The following MEAK7 variants were observed in gnomAD, a reference collection of about 807,000 sequenced individuals.
MEAK7 encodes MTOR-associated protein MEAK7.
Under a neutral mutation model 40.5 loss-of-function variants are expected in MEAK7, and 68 were observed. That is an observed-to-expected ratio of 1.68 (90% CI 1.38 to 2.06). MEAK7 has a LOEUF of 2.06. MEAK7 is among the 30% of genes most tolerant of loss of function. The probability of loss-of-function intolerance (pLI) is 0.00; values close to 1 mark genes in which losing one functional copy is unlikely to be tolerated. For missense variants in MEAK7, 918 were observed against 580.5 expected (o/e 1.58, Z -5.98); for synonymous variants, 338 against 231.9 (o/e 1.46, Z -4.16).
intron 1 of MEAK7, among the ~76,000 whole-genome samples, chr16:84,503,693 T>A (rs1914674834): frequency 1.3e-5 from 2 of 152,114 alleles, no homozygotes; most frequent in Non-Finnish European, 2.9e-5. Flanking sequence ...CTCCTTGGGA[T>A]CTTGTCTTAG....
chr16:84,479,595 G>C lies in MEAK7; in HGVS notation c.*318C>G, dbSNP rs1313730007. 1 of 222,268 alleles carries C rather than the reference G, an allele frequency of 4.5e-6. No homozygotes were observed. Among genetic ancestry groups the C allele is most frequent in the Non-Finnish European group, 8.8e-6 (1 of 114,256 alleles). The allele number at this position is 222,268 out of a possible 1,614,324, so 13.8% of individuals were successfully genotyped here. A position where few individuals can be genotyped will look rare whatever the true frequency, so the allele number is the denominator to read the frequency against. Reference sequence around the variant, plus strand: ...AGCGGGGGTCTGAAAGGTCTCAGCTGCTTAGGATTTCGTTGGTAAAAAAGA... The same window carrying C: ...AGCGGGGGTCTGAAAGGTCTCAGCTCCTTAGGATTTCGTTGGTAAAAAAGA... On this transcript the variant is annotated 3_prime_UTR_variant, in exon 8 of 8. Coordinates refer to ENST00000343629, the MANE Select transcript of MEAK7 (RefSeq NM_020947.4).
At chr16:84,481,426 C>G (rs376558431) in intron 6 of MEAK7, among the ~76,000 whole-genome samples, 5 of 152,340 alleles carry the variant, frequency 3.3e-5, no homozygotes, top group African/African-American at 1.2e-4. Flanking sequence ...TGACCGGGGC[C>G]TGCCGGGTGC....
At chr16:84,501,269 C>T (rs544287500) in intron 1 of MEAK7, among the ~76,000 whole-genome samples, 2 of 152,210 alleles carry the variant, frequency 1.3e-5, no homozygotes, top group East Asian at 3.9e-4. Flanking sequence ...GTGGGAACAG[C>T]ACGCACGGGG....
Position 84,498,093 on chromosome 16 carries a change from T to C in MEAK7, c.-7A>G. 6.3e-7 allele frequency: 1 copy of C among 1,578,914 alleles called. No individual in the cohort carries two copies. On this transcript the variant is annotated 5_prime_UTR_variant, in exon 2 of 8. Transcript: ENST00000343629. ...GGCTTCTGCTGTTCCCCATCTGTCC[T>C]GATATCTGGCAGAATTCTCTGCAGA... is the stretch of plus-strand genomic sequence containing the variant.
At position 84,476,674 on chromosome 16, in the gene MEAK7, G is replaced by C. The variant is rs1457097224; in HGVS notation, c.*3239C>G. ...CGCAGTCCATAAAGACAAGAGGGAG[G>C]CAGGTGGGTGGTTACGGACCTCCCT... On this transcript the variant is annotated 3_prime_UTR_variant, in exon 8 of 8. Transcript: ENST00000343629. The C allele has an allele frequency of 3.3e-5, 5 of 152,214 alleles. No homozygotes were observed. Among genetic ancestry groups the C allele is most frequent in the Admixed American group, 6.5e-5 (1 of 15,282 alleles). The allele number at this position is 152,214 out of a possible 1,614,324, so 9.4% of individuals were successfully genotyped here. A position where few individuals can be genotyped will look rare whatever the true frequency, so the allele number is the denominator to read the frequency against.
chr16:84,501,972 C>T (rs1597975947), intron 1 of MEAK7, among the ~76,000 whole-genome samples: 2 of 152,168 alleles, frequency 1.3e-5, no homozygotes, highest in South Asian at 4.1e-4. Flanking sequence ...TGGAGAAACC[C>T]TGTCTCTACT....
intron 6 of MEAK7, among the ~76,000 whole-genome samples, chr16:84,481,539 G>C (rs148303506): frequency 1.3e-5 from 2 of 152,174 alleles, no homozygotes; most frequent in Non-Finnish European, 2.9e-5. Context: ...CCTCTCTCCA[G>C]GGCAGCAGTG....
chr16:84,502,184 C>G (rs692081), intron 1 of MEAK7, among the ~76,000 whole-genome samples: 90,935 of 151,728 alleles, frequency 0.6, 27,911 homozygotes, highest in Non-Finnish European at 0.67. Context: ...CTGGTGCTGA[C>G]AGCGCACATC....
At position 84,479,542 on chromosome 16, in the gene MEAK7, C is replaced by T. The variant is rs968492300; in HGVS notation, c.*371G>A. ...GAATTCCCTAATGCCAGCGGAATTC[C>T]CTAATGCCAGCGGAATTCCCTAATG... On this transcript the variant is annotated 3_prime_UTR_variant, in exon 8 of 8. Coordinates refer to ENST00000343629, the MANE Select transcript of MEAK7 (RefSeq NM_020947.4). The T allele has an allele frequency of 1.1e-4, 18 of 158,842 alleles. 1 individual carries two copies. Among genetic ancestry groups the T allele is most frequent in the Admixed American group, 3.9e-4 (6 of 15,226 alleles). The allele number at this position is 158,842 out of a possible 1,614,324, so 9.8% of individuals were successfully genotyped here.
chr16:84,491,546 A>AAAAAC (rs1913608837), intron 3 of MEAK7, among the ~76,000 whole-genome samples: 1 of 150,304 alleles, frequency 6.7e-6, no homozygotes, highest in South Asian at 2.1e-4. Context: ...CTTAAAAAAA[A>AAAAAC]AAAAAAAAAC....
intron 3 of MEAK7, chr16:84,495,476 A>G: frequency 1.7e-6 from 1 of 581,470 alleles, no homozygotes; most frequent in Non-Finnish European, 3.1e-6. Context: ...TAAGTCCTGA[A>G]GCCCTCAAAA....
chr16:84,490,206 G>C (rs767350868), intron 3 of MEAK7, among the ~76,000 whole-genome samples: 23 of 151,490 alleles, frequency 1.5e-4, no homozygotes, highest in Non-Finnish European at 2.8e-4. Context: ...TACCTGACTT[G>C]GTCAAATCCG....
At chr16:84,498,967 G>A (rs1914278915) in intron 1 of MEAK7, among the ~76,000 whole-genome samples, 1 of 152,166 alleles carries the variant, frequency 6.6e-6, no homozygotes. Context: ...TAAAGCAAGA[G>A]GAGTCACAGC....
Position 84,479,902 on chromosome 16 carries a change from C to G in MEAK7, c.*11G>C. 14 of 1,583,296 alleles carry G rather than the reference C, an allele frequency of 8.8e-6. No homozygotes were observed. Among genetic ancestry groups the G allele is most frequent in the Non-Finnish European group, 1.2e-5 (14 of 1,159,764 alleles). On this transcript the variant is annotated 3_prime_UTR_variant, in exon 8 of 8. Coordinates refer to ENST00000343629, the MANE Select transcript of MEAK7 (RefSeq NM_020947.4). ...TCCAGGTCCTGGCTCCAGGAAGGCT[C>G]AGGCGGCTCCTCATTCATCGTCCGG...
In MEAK7 at chr16:84,478,481, A is replaced by T. The variant is rs1208888318; in HGVS notation, c.*1432T>A. The T allele has an allele frequency of 6.6e-6, 1 of 152,258 alleles. No individual in the cohort carries two copies. The highest frequency in any genetic ancestry group is 1.9e-4 in the East Asian group (1 of 5,208). The allele number at this position is 152,258 out of a possible 1,614,324, so 9.4% of individuals were successfully genotyped here. On this transcript the variant is annotated 3_prime_UTR_variant, in exon 8 of 8. Coordinates refer to ENST00000343629, the MANE Select transcript of MEAK7 (RefSeq NM_020947.4). ...ATGGCTTATAATCAAGGCAAACTAT[A>T]CAATAAGAGGTTGTATTTTCATCAG...
At chr16:84,493,154 A>G (rs538490708) in intron 3 of MEAK7, among the ~76,000 whole-genome samples, 3 of 151,926 alleles carry the variant, frequency 2.0e-5, no homozygotes, top group Non-Finnish European at 2.9e-5. Flanking sequence ...GTGTCTTAGT[A>G]TATGTTATCA....
In MEAK7 at chr16:84,499,185, G is replaced by T. The variant is rs141319719; in HGVS notation, c.-25-1074C>A. Among the ~76,000 whole-genome samples the T allele has an allele frequency of 6.2e-3, 941 of 152,292 alleles. 11 individuals are homozygous for T. The highest frequency in any genetic ancestry group is 0.022 in the African/African-American group (900 of 41,542). The stretch of plus-strand genomic sequence containing the variant: ...CAAACCTCATTATAGGAAAAGACAA[G>T]TGTCAAGCAATCGGGGGATTCAAAC... On this transcript the variant is annotated intron_variant, in intron 1 of 7. Coordinates refer to ENST00000343629, the MANE Select transcript of MEAK7 (RefSeq NM_020947.4).
chr16:84,491,341 C>A (rs9936472), intron 3 of MEAK7, among the ~76,000 whole-genome samples: 4,501 of 151,950 alleles, frequency 0.03, 261 homozygotes, highest in African/African-American at 0.1. Context: ...AGGTCGCGAC[C>A]AGCCTGGCCA....
At chr16:84,483,001 G>T (rs564049685) in intron 5 of MEAK7, among the ~76,000 whole-genome samples, 5 of 152,320 alleles carry the variant, frequency 3.3e-5, no homozygotes, top group African/African-American at 1.2e-4. Flanking sequence ...AGTTCAGGCT[G>T]GCCAAGCACA....
Sources: allele counts gnomAD v4.1 joint callset (sites outside exome capture counted in the v4.1 genomes callset), GRCh38; gene constraint gnomAD v4.1.1; transcripts MANE v1.5; gene names NCBI Gene and HGNC (gene_info 2026-07-23, HGNC 2026-07-21).